Variants in OR8D4 observed in about 807,000 individuals in gnomAD.
The protein encoded by OR8D4 is olfactory receptor 8D4.
For synonymous variants in OR8D4, 141 were observed against 134.8 expected, an observed-to-expected ratio of 1.05 and a Z score of -0.32; for missense variants, 359 against 372.6, an observed-to-expected ratio of 0.96 and a Z score of 0.30.
intron 1 of OR8D4, among the ~76,000 whole-genome samples, 175 bp downstream of exon 1, chr11:123,902,432 AC>A (rs1416340646): frequency 6.6e-6 from 1 of 152,098 alleles, no homozygotes. Flanking sequence ...TTGTCCAGTC[AC>A]CTTACCTAAG....
chr11:123,903,206 AG>A (rs1863175127), intron 1 of OR8D4, among the ~76,000 whole-genome samples: 1 of 147,434 alleles, frequency 6.8e-6, no homozygotes, highest in African/African-American at 2.5e-5. Context: ...GTGCTTAGTT[AG>A]GTTACATAAA....
At chr11:123,902,874 A>G (rs957533082) in intron 1 of OR8D4, among the ~76,000 whole-genome samples, 1 of 152,176 alleles carries the variant, frequency 6.6e-6, no homozygotes, top group Non-Finnish European at 1.5e-5. Context: ...AAAATACACT[A>G]TGGATTTCAA....
intron 1 of OR8D4, among the ~76,000 whole-genome samples, chr11:123,904,740 G>A (rs115087044): frequency 0.017 from 2,594 of 152,232 alleles, 75 homozygotes; most frequent in African/African-American, 0.058. Flanking sequence ...AGAAGGATTT[G>A]GGAAATAAGG....
chr11:123,909,224 A>G lies in OR8D4; in HGVS notation c.*1848A>G, dbSNP rs1402670503. The G allele has an allele frequency of 6.6e-6, 1 of 152,144 alleles. No homozygotes were observed. Among genetic ancestry groups the G allele is most frequent in the African/African-American group, 2.4e-5 (1 of 41,448 alleles). 9.4% of individuals were successfully genotyped at this position (152,144 alleles called of 1,614,324 possible). On this transcript the variant is annotated 3_prime_UTR_variant, in exon 2 of 2. Transcript: ENST00000641687. Reference sequence around the variant, plus strand: ...ATAAAAAAAAATAGATTCAAGATACATTTCTGACTGTGAATAAATAAGATT... The same window carrying G: ...ATAAAAAAAAATAGATTCAAGATACGTTTCTGACTGTGAATAAATAAGATT...
At position 123,906,810 on chromosome 11, in the gene OR8D4, TGCA is replaced by T; in HGVS notation, c.382_384del (p.Ser128del). The T allele has an allele frequency of 6.2e-7, 1 of 1,614,046 alleles. No homozygotes were observed. Among genetic ancestry groups the T allele is most frequent in the Non-Finnish European group, 8.5e-7 (1 of 1,179,956 alleles). On this transcript the variant is annotated inframe_deletion, in exon 2 of 2. Coordinates refer to ENST00000641687, the MANE Select transcript of OR8D4 (RefSeq NM_001005197.2). ...GGCCTGCGATCGCTACGTGGCCATC[TGCA>T]GCCCACTGCTCTACAGGGTCATCAT...
Position 123,906,591 on chromosome 11 carries a change from C to A in OR8D4, c.160C>A (p.Gln54Lys), listed in dbSNP as rs1197414550. 1 of 1,613,900 alleles carries A rather than the reference C, an allele frequency of 6.2e-7. No individual in the cohort carries two copies. The highest frequency in any genetic ancestry group is 8.5e-7 in the Non-Finnish European group (1 of 1,179,906). ...SMISIIRLNR[Q>K]LHTPMYYFLS... ...GATCTCAATTATTAGGCTGAATCGT[C>A]AACTTCATACCCCCATGTACTATTT... Residue 54 changes from glutamine (Q) to lysine (K), a missense_variant, in exon 2 of 2, where the codon CAA (glutamine) becomes AAA (lysine). By Grantham distance (53) the Gln-to-Lys change is moderately conservative (BLOSUM62 1). Coordinates refer to ENST00000641687, the MANE Select transcript of OR8D4 (RefSeq NM_001005197.2).
Position 123,907,042 on chromosome 11 carries a change from G to A in OR8D4, c.611G>A (p.Gly204Glu), listed in dbSNP as rs1804418755. The change falls in exon 2 of 2, where the codon GGA becomes GAA. Residue 204 changes from glycine (G) to glutamate (E), a missense_variant. Transcript: ENST00000641687. ...IDELLIFVIGGFNMVATSLTI... is the reference protein window; with the variant it reads ...IDELLIFVIGEFNMVATSLTI... ...GAGCTTTTGATTTTTGTCATTGGTG[G>A]ATTTAACATGGTGGCCACAAGCCTA... The A allele has an allele frequency of 6.2e-7, 1 of 1,613,882 alleles. No homozygotes were observed. The highest frequency in any genetic ancestry group is 8.5e-7 in the Non-Finnish European group (1 of 1,179,956).
chr11:123,907,496 C>T lies in OR8D4; in HGVS notation c.*120C>T, dbSNP rs1423946152. The T allele has an allele frequency of 1.9e-6, 1 of 525,130 alleles. No individual in the cohort carries two copies. Among genetic ancestry groups the T allele is most frequent in the African/African-American group, 2.0e-5 (1 of 51,076 alleles). 32.5% of individuals were successfully genotyped at this position (525,130 alleles called of 1,614,324 possible). On this transcript the variant is annotated 3_prime_UTR_variant, in exon 2 of 2. Coordinates refer to ENST00000641687, the MANE Select transcript of OR8D4 (RefSeq NM_001005197.2). ...GTACGGTGACTTACGCCTGTAATCC[C>T]AGCACTTTGGGAGGCCGAGTTGGGT...
chr11:123,902,957 C>T (rs1245700330), intron 1 of OR8D4, among the ~76,000 whole-genome samples: 1 of 151,982 alleles, frequency 6.6e-6, no homozygotes, highest in Non-Finnish European at 1.5e-5. Context: ...AAATGATGTA[C>T]ATGTACATCA....
In OR8D4 at chr11:123,906,896, TGCTGTGATCCATGGAG is replaced by T; in HGVS notation, c.467_482del (p.Ala156ValfsTer38). The T allele has an allele frequency of 6.2e-7, 1 of 1,614,008 alleles. No individual in the cohort carries two copies. Among genetic ancestry groups the T allele is most frequent in the East Asian group, 2.2e-5 (1 of 44,866 alleles). On this transcript the variant is annotated frameshift_variant, in exon 2 of 2. Coordinates refer to ENST00000641687, the MANE Select transcript of OR8D4 (RefSeq NM_001005197.2). LOFTEE classifies it low-confidence loss of function (END_TRUNC). ...CTGTCTTCTCAGTAGGTTTCACTGA[TGCTGTGATCCATGGAG>T]GTTGTATACTCAGGTTGTCTTTCTG... is the stretch of plus-strand genomic sequence containing the variant.
At chr11:123,903,451 T>C (rs1427987454) in intron 1 of OR8D4, among the ~76,000 whole-genome samples, 1 of 152,204 alleles carries the variant, frequency 6.6e-6, no homozygotes, top group African/African-American at 2.4e-5. Context: ...ATCTAGCATT[T>C]ACCTTTGCAA....
intron 1 of OR8D4, among the ~76,000 whole-genome samples, chr11:123,903,304 C>T (rs1863175907): frequency 6.6e-6 from 1 of 152,032 alleles, no homozygotes; most frequent in Non-Finnish European, 1.5e-5. Flanking sequence ...CTATGGATAT[C>T]AAGGACTGAA....
At chr11:123,904,116 G>C (rs1038755098) in intron 1 of OR8D4, among the ~76,000 whole-genome samples, 1 of 152,188 alleles carries the variant, frequency 6.6e-6, no homozygotes, top group African/African-American at 2.4e-5. Context: ...TAGGGCCTGA[G>C]ACTGTGCATT....
chr11:123,906,227 G>A (rs1863197072), intron 1 of OR8D4, 190 bp from the exon 2 acceptor site: 4 of 533,372 alleles, frequency 7.5e-6, no homozygotes, highest in Non-Finnish European at 1.3e-5. Context: ...TGGAGGGTAT[G>A]GAAAAGTGTG....
rs775423940 is a variant in OR8D4, at chr11:123,907,299, T to C, written c.868T>C (p.Tyr290His). ...TVILMLNPLIYSLRNNEVRNA... is the reference protein window; with the variant it reads ...TVILMLNPLIHSLRNNEVRNA... ...GATTCTCATGTTGAATCCCTTGATA[T>C]ATAGTCTGAGGAACAATGAAGTAAG... Residue 290 changes from tyrosine to histidine, a missense_variant, in exon 2 of 2, where the codon TAT becomes CAT. Physicochemically the swap from Tyr to His is moderately conservative, Grantham distance 83. Coordinates refer to ENST00000641687, the MANE Select transcript of OR8D4 (RefSeq NM_001005197.2). The C allele has an allele frequency of 1.9e-6, 3 of 1,591,224 alleles. No homozygotes were observed. The highest frequency in any genetic ancestry group is 1.7e-6 in the Non-Finnish European group (2 of 1,162,392).
chr11:123,907,432 A>G lies in OR8D4; in HGVS notation c.*56A>G. The G allele has an allele frequency of 6.7e-6, 5 of 749,646 alleles. No individual in the cohort carries two copies. Among genetic ancestry groups the G allele is most frequent in the Non-Finnish European group, 1.1e-5 (5 of 469,138 alleles). The allele number at this position is 749,646 out of a possible 1,614,324, so 46.4% of individuals were successfully genotyped here. On this transcript the variant is annotated 3_prime_UTR_variant, in exon 2 of 2. Transcript: ENST00000641687. ...TTCATAATCATGATTATATGTATAT[A>G]TTTATACCTTGACTATTTAAAAGTA...
chr11:123,907,443 G>A lies in OR8D4; in HGVS notation c.*67G>A, dbSNP rs776064138. The stretch of plus-strand genomic sequence containing the variant: ...GATTATATGTATATATTTATACCTT[G>A]ACTATTTAAAAGTAATTTGAGGTCC... On this transcript the variant is annotated 3_prime_UTR_variant, in exon 2 of 2. Transcript: ENST00000641687. The A allele has an allele frequency of 2.8e-6, 2 of 727,266 alleles. No individual in the cohort carries two copies. The highest frequency in any genetic ancestry group is 4.4e-6 in the Non-Finnish European group (2 of 457,000). 45.1% of individuals were successfully genotyped at this position (727,266 alleles called of 1,614,324 possible). A position where few individuals can be genotyped will look rare whatever the true frequency, so the allele number is the denominator to read the frequency against.
Position 123,906,587 on chromosome 11 carries a change from T to C in OR8D4, c.156T>C (p.Asn52=), listed in dbSNP as rs1013562695. 8 of 1,613,908 alleles carry C rather than the reference T, an allele frequency of 5.0e-6. No homozygotes were observed. Among genetic ancestry groups the C allele is most frequent in the Admixed American group, 3.3e-5 (2 of 60,000 alleles). The change falls in exon 2 of 2, where the codon AAT becomes AAC. Residue 52 remains asparagine, a synonymous_variant. Transcript: ENST00000641687. ...GCATGATCTCAATTATTAGGCTGAA[T>C]CGTCAACTTCATACCCCCATGTACT... ...NLSMISIIRL[N]RQLHTPMYYF... is the part of the protein sequence containing the mutation.
Position 123,907,141 on chromosome 11 carries a change from C to T in OR8D4, c.710C>T (p.Ala237Val), listed in dbSNP as rs752358271. Reference sequence around the variant, plus strand: ...CACTCTAAAAAGGGCAGGTGCAAAGCGTTTAGCACCTGTAGCTCCCACCTG... The same window carrying T: ...CACTCTAAAAAGGGCAGGTGCAAAGTGTTTAGCACCTGTAGCTCCCACCTG... ...RIHSKKGRCKAFSTCSSHLTA... is the reference protein window; with the variant it reads ...RIHSKKGRCKVFSTCSSHLTA... The change falls in exon 2 of 2, where the codon GCG (alanine) becomes GTG (valine). Residue 237 changes from alanine (A) to valine (V), a missense_variant. Coordinates refer to ENST00000641687, the MANE Select transcript of OR8D4 (RefSeq NM_001005197.2). The T allele has an allele frequency of 5.0e-6, 8 of 1,613,740 alleles. No homozygotes were observed. Among genetic ancestry groups the T allele is most frequent in the East Asian group, 2.2e-5 (1 of 44,842 alleles).
Sources: allele counts gnomAD v4.1 joint callset (sites outside exome capture counted in the v4.1 genomes callset), GRCh38; gene constraint gnomAD v4.1.1; transcripts MANE v1.5; gene names NCBI Gene and HGNC (gene_info 2026-07-23, HGNC 2026-07-21).